The following PEX14 variants were observed in gnomAD, a reference collection of about 807,000 sequenced individuals.
PEX14 encodes peroxisomal membrane protein PEX14.
In PEX14, 15 loss-of-function variants were observed where a neutral mutation model predicts 49.5. The observed-to-expected ratio is 0.30, with a 90% CI of 0.20 to 0.47. The LOEUF (loss-of-function observed/expected upper bound fraction) is 0.47. Among genes scored for constraint, PEX14 ranks in the 20% least tolerant of loss-of-function variants. PEX14 has a pLI of 1.00. For missense variants in PEX14, 398 were observed against 494.8 expected (o/e 0.80, Z 1.86); for synonymous variants, 210 against 212.7 (o/e 0.99, Z 0.11).
At chr1:10,555,642 A>AGTGTGTGTGTGTGTGTGTGTGTGTGT (rs56824548) in intron 3 of PEX14, among the ~76,000 whole-genome samples, 5 of 149,372 alleles carry the variant, frequency 3.3e-5, no homozygotes, top group African/African-American at 1.2e-4. Flanking sequence ...GCAAGGTGTG[A>AGTGTGTGTGTGTGTGTGTGTGTGTGT]GTGTGTGTGT....
intron 3 of PEX14, among the ~76,000 whole-genome samples, chr1:10,550,811 A>T (rs1352164929): frequency 2.0e-5 from 3 of 152,220 alleles, no homozygotes; most frequent in Admixed American, 6.5e-5. Context: ...CCCTTGAAGA[A>T]TCACATTGTA....
At chr1:10,564,736 A>T (rs1639753059) in intron 3 of PEX14, among the ~76,000 whole-genome samples, 1 of 151,122 alleles carries the variant, frequency 6.6e-6, no homozygotes, top group African/African-American at 2.4e-5. Flanking sequence ...GCCTAACCTG[A>T]TGCCTTTTAA....
At chr1:10,546,805 GT>G (rs1338863776) in intron 3 of PEX14, among the ~76,000 whole-genome samples, 3 of 151,462 alleles carry the variant, frequency 2.0e-5, no homozygotes, top group African/African-American at 7.3e-5. Context: ...GGAGGCGGAG[GT>G]TGCAGTGAGC....
At chr1:10,480,723 C>T (rs867979601) in intron 1 of PEX14, among the ~76,000 whole-genome samples, 1 of 151,982 alleles carries the variant, frequency 6.6e-6, no homozygotes, top group Non-Finnish European at 1.5e-5. Flanking sequence ...AAATTTCTCA[C>T]GTATAGAAAA....
chr1:10,626,943 A>G (rs953688246), intron 7 of PEX14, among the ~76,000 whole-genome samples: 1 of 152,224 alleles, frequency 6.6e-6, no homozygotes, highest in African/African-American at 2.4e-5. Context: ...ACCCCGGACC[A>G]TCTTAAATCC....
intron 3 of PEX14, among the ~76,000 whole-genome samples, chr1:10,577,585 T>G (rs1354327289): frequency 2.0e-3 from 38 of 18,980 alleles, no homozygotes; most frequent in African/African-American, 7.0e-3. Context: ...TTTTTTTTTT[T>G]TTTTTTTTTT....
intron 2 of PEX14, among the ~76,000 whole-genome samples, chr1:10,531,765 A>G (rs977824433): frequency 1.1e-4 from 16 of 152,158 alleles, no homozygotes; most frequent in African/African-American, 3.6e-4. Flanking sequence ...GGCATTCCAA[A>G]TAAGTGTCAC....
intron 1 of PEX14, among the ~76,000 whole-genome samples, chr1:10,488,644 T>C (rs1359463331): frequency 1.3e-5 from 2 of 150,910 alleles, no homozygotes; most frequent in Non-Finnish European, 3.0e-5. Flanking sequence ...GGACTACAGG[T>C]GCCCGCCACC....
rs769671374 is a variant in PEX14 at position 10,623,035 on chromosome 1, T to G, written c.401T>G (p.Leu134Arg). The change falls in exon 6 of 9, where the codon CTC (leucine) becomes CGC (arginine). Residue 134 changes from leucine to arginine, a missense_variant. Physicochemically the swap from Leu to Arg is moderately radical, Grantham distance 102. Transcript: ENST00000356607. The surrounding 1 kb of genome is among the most constrained non-coding windows in gnomAD (Gnocchi z 4.4). Reference protein sequence around the residue: ...HQLYKKYLLPLILGGREDRKQ... With the variant: ...HQLYKKYLLPRILGGREDRKQ... ...TTCTTGCAGAAATACCTGCTCCCCC[T>G]CATCCTGGGCGGCCGAGAGGACAGA... The G allele has an allele frequency of 6.2e-7, 1 of 1,613,438 alleles. No individual in the cohort carries two copies. The highest frequency in any genetic ancestry group is 2.2e-5 in the East Asian group (1 of 44,866).
chr1:10,517,855 T>C lies in PEX14; in HGVS notation c.85-18358T>C, dbSNP rs182669549. Among the ~76,000 whole-genome samples, 107 of 152,206 alleles carry C rather than the reference T, an allele frequency of 7.0e-4. 1 individual carries two copies. Among genetic ancestry groups the C allele is most frequent in the Middle Eastern group, 3.4e-3 (1 of 294 alleles). On this transcript the variant is annotated intron_variant, in intron 2 of 8. Transcript: ENST00000356607. ...GATTCAGTATTTGAAAAAAATTAAATAATTTCTTTCTTGAAATGAGTGAGG... is the reference window on the plus strand; with the variant it reads ...GATTCAGTATTTGAAAAAAATTAAACAATTTCTTTCTTGAAATGAGTGAGG...
At chr1:10,500,173 C>A (rs796548952) in intron 2 of PEX14, among the ~76,000 whole-genome samples, 1 of 150,694 alleles carries the variant, frequency 6.6e-6, no homozygotes, top group Non-Finnish European at 1.5e-5. Context: ...GAGGCCGAGG[C>A]GGGTGGATCA....
chr1:10,626,947 T>A (rs1641765489), intron 7 of PEX14, among the ~76,000 whole-genome samples: 1 of 152,212 alleles, frequency 6.6e-6, no homozygotes. Context: ...CGGACCATCT[T>A]AAATCCCAGA....
intron 2 of PEX14, among the ~76,000 whole-genome samples, chr1:10,520,148 CT>C (rs565247030): frequency 2.6e-4 from 18 of 69,186 alleles, no homozygotes; most frequent in African/African-American, 6.4e-4. Context: ...CCTTCTTCTT[CT>C]TTTTTTTTTT....
intron 1 of PEX14, among the ~76,000 whole-genome samples, chr1:10,489,641 G>A (rs1347879466): frequency 1.3e-5 from 2 of 152,140 alleles, no homozygotes; most frequent in Non-Finnish European, 2.9e-5. Flanking sequence ...GAGACCTGAG[G>A]GAACCTCCAG....
At chr1:10,489,620 A>G (rs748253420) in intron 1 of PEX14, among the ~76,000 whole-genome samples, 25 of 152,182 alleles carry the variant, frequency 1.6e-4, no homozygotes, top group Non-Finnish European at 3.1e-4. Context: ...CACAAATTTT[A>G]GTATTCAGCA....
chr1:10,556,891 C>T (rs545907549), intron 3 of PEX14, among the ~76,000 whole-genome samples: 2 of 152,146 alleles, frequency 1.3e-5, no homozygotes, highest in South Asian at 2.1e-4. Flanking sequence ...GACTGAGGCA[C>T]CTGGAAGAAT....
chr1:10,591,288 G>A (rs1030598285), intron 3 of PEX14, among the ~76,000 whole-genome samples: 1 of 151,920 alleles, frequency 6.6e-6, no homozygotes, highest in Non-Finnish European at 1.5e-5. Flanking sequence ...TGCTGTGGTC[G>A]CAGCCACAGT....
At chr1:10,520,148 C>CTTTTTTTTTTTTTTTTTTTTT (rs565247030) in intron 2 of PEX14, among the ~76,000 whole-genome samples, 21 of 69,182 alleles carry the variant, frequency 3.0e-4, no homozygotes, top group East Asian at 1.7e-3. Flanking sequence ...CCTTCTTCTT[C>CTTTTTTTTTTTTTTTTTTTTT]TTTTTTTTTT....
chr1:10,508,889 T>G (rs1641835594), intron 2 of PEX14, among the ~76,000 whole-genome samples: 1 of 152,046 alleles, frequency 6.6e-6, no homozygotes, highest in African/African-American at 2.4e-5. Context: ...GGTGGGAGTT[T>G]CCATCCAGCT....
Sources: allele counts gnomAD v4.1 joint callset (sites outside exome capture counted in the v4.1 genomes callset), GRCh38; gene constraint gnomAD v4.1.1; non-coding constraint Gnocchi (gnomAD v3.1); transcripts MANE v1.5; gene names NCBI Gene and HGNC (gene_info 2026-07-23, HGNC 2026-07-21).